GCN1: variants seen among roughly 807,000 people sequenced by gnomAD.
The protein encoded by GCN1 is stalled ribosome sensor GCN1.
GCN1 carries 90 observed loss-of-function variants against 288.4 expected under a neutral mutation model. The ratio of observed to expected loss-of-function variants is 0.31; its 90% CI spans 0.26 to 0.37. The LOEUF is 0.37. GCN1 is among the 10% of genes least tolerant of loss of function. The probability of loss-of-function intolerance (pLI) is 1.00; values close to 1 mark genes in which losing one functional copy is unlikely to be tolerated. For synonymous variants in GCN1, 1,386 were observed against 1,420.2 expected (o/e 0.98, Z 0.54); for missense variants, 2,586 against 3,419.9 (o/e 0.76, Z 6.08).
chr12:120,170,327 G>A lies in GCN1; in HGVS notation c.1367-6C>T. Reference sequence around the variant, plus strand: ...GGCCTGCAACAGCGTGTCACCTGTGGAGAGAGGACAAGCACCTTAAAGGAC... The same window carrying A: ...GGCCTGCAACAGCGTGTCACCTGTGAAGAGAGGACAAGCACCTTAAAGGAC... On this transcript the variant is annotated splice_region_variant and splice_polypyrimidine_tract_variant and intron_variant, in intron 14 of 57. Coordinates refer to ENST00000300648, the MANE Select transcript of GCN1 (RefSeq NM_006836.2). The A allele has an allele frequency of 6.2e-7, 1 of 1,613,892 alleles. No homozygotes were observed. Among genetic ancestry groups the A allele is most frequent in the Non-Finnish European group, 8.5e-7 (1 of 1,179,766 alleles).
chr12:120,138,477 C>T lies in GCN1; in HGVS notation c.6157-62G>A, dbSNP rs1371808710. On this transcript the variant is annotated intron_variant, in intron 46 of 57. Transcript: ENST00000300648. ...CATCTCTGCTGTCTCAACCAGCCAC[C>T]GCCAACTTCCTTCTCCACTTGTTTC... 22 of 1,113,454 alleles carry T rather than the reference C, an allele frequency of 2.0e-5. No homozygotes were observed. The East Asian group carries it at 3.0e-4, about 15-fold the overall frequency. The allele number at this position is 1,113,454 out of a possible 1,614,324, so 69.0% of individuals were successfully genotyped here. A position where few individuals can be genotyped will look rare whatever the true frequency, so the allele number is the denominator to read the frequency against.
At position 120,157,350 on chromosome 12, in the gene GCN1, G is replaced by C. The variant is rs975208713; in HGVS notation, c.3088-358C>G. Among the ~76,000 whole-genome samples the C allele has an allele frequency of 3.3e-5, 5 of 152,260 alleles. No homozygotes were observed. In the East Asian group the frequency reaches 5.8e-4, roughly 18 times the overall value. On this transcript the variant is annotated intron_variant, in intron 26 of 57. Coordinates refer to ENST00000300648, the MANE Select transcript of GCN1 (RefSeq NM_006836.2). ...TAATACTATCTGAGGTTGCATTAAG[G>C]CTTTGAGAAAAGAAAACTCTTGGTG...
At chr12:120,161,841 G>T (rs1432807870) in intron 21 of GCN1, 39 bp downstream of exon 21, 23 of 1,590,308 alleles carry the variant, frequency 1.4e-5, no homozygotes, top group Non-Finnish European at 1.9e-5. Context: ...ACTATGCCTT[G>T]GGGAGCAAAG....
At chr12:120,148,661 C>T (rs979954741) in intron 36 of GCN1, among the ~76,000 whole-genome samples, 10 of 152,140 alleles carry the variant, frequency 6.6e-5, no homozygotes, top group African/African-American at 2.2e-4. Flanking sequence ...GTTTCTTCAT[C>T]CACAAATGAG....
chr12:120,185,153 T>A (rs181804128), intron 2 of GCN1, among the ~76,000 whole-genome samples: 1 of 152,354 alleles, frequency 6.6e-6, no homozygotes, highest in East Asian at 1.9e-4. Context: ...AAGAGGAGGT[T>A]CAGGAGTGCT....
intron 7 of GCN1, 136 bp downstream of exon 7, chr12:120,178,487 CAT>C (rs1267284969): frequency 1.2e-6 from 1 of 824,918 alleles, no homozygotes. Flanking sequence ...CAGAGTCTCA[CAT>C]GAGAAAACCA....
intron 16 of GCN1, among the ~76,000 whole-genome samples, chr12:120,166,323 G>A (rs979413728): frequency 5.4e-5 from 8 of 147,732 alleles, no homozygotes; most frequent in Non-Finnish European, 1.0e-4. Flanking sequence ...AGAATTGCTT[G>A]AACCCGGGAG....
At chr12:120,159,505 C>T (rs1439372942) in intron 24 of GCN1, among the ~76,000 whole-genome samples, 5 of 152,206 alleles carry the variant, frequency 3.3e-5, no homozygotes, top group African/African-American at 1.2e-4. Context: ...CTGGGCTGGG[C>T]TGAGCCACCA....
chr12:120,165,534 CT>C (rs1249315127), intron 16 of GCN1, among the ~76,000 whole-genome samples: 4 of 152,114 alleles, frequency 2.6e-5, no homozygotes, highest in Non-Finnish European at 5.9e-5. Flanking sequence ...GTGGTGCAGT[CT>C]TGGCTCACTA....
chr12:120,148,413 G>C (rs1356425136), intron 36 of GCN1, 67 bp from the exon 37 acceptor site: 2 of 1,335,046 alleles, frequency 1.5e-6, no homozygotes, highest in African/African-American at 1.4e-5. Flanking sequence ...ACCTGTGCTG[G>C]CTACATGAGC....
chr12:120,188,358 C>T (rs1250952800), intron 2 of GCN1, among the ~76,000 whole-genome samples: 1 of 145,446 alleles, frequency 6.9e-6, no homozygotes, highest in Non-Finnish European at 1.5e-5. Flanking sequence ...CACTTGAACC[C>T]GGGAGGCGGA....
chr12:120,148,107 G>T, intron 37 of GCN1, 60 bp downstream of exon 37: 1 of 1,281,016 alleles, frequency 7.8e-7, no homozygotes, highest in Non-Finnish European at 1.1e-6. Context: ...TCCCTGCAGT[G>T]TCCAAAGGCT....
At chr12:120,185,621 G>A (rs1318670669) in intron 2 of GCN1, among the ~76,000 whole-genome samples, 1 of 152,216 alleles carries the variant, frequency 6.6e-6, no homozygotes, top group Non-Finnish European at 1.5e-5. Context: ...TTATTTTTCA[G>A]ACGGAGTCTC....
rs1267586212 is a variant in GCN1 at position 120,151,106 on chromosome 12, C to A, written c.4309+39G>T. 5.0e-6 allele frequency: 8 copies of A among 1,599,022 alleles called. No individual in the cohort carries two copies. In the African/African-American group the frequency reaches 9.4e-5, roughly 19 times the overall value. On this transcript the variant is annotated intron_variant, in intron 34 of 57. Coordinates refer to ENST00000300648, the MANE Select transcript of GCN1 (RefSeq NM_006836.2). Reference sequence around the variant, plus strand: ...CTTCCTCTGGCAACCTGGGGACCAACTTCCCATGCTGGGCAGCCCCAAGCT... The same window carrying A: ...CTTCCTCTGGCAACCTGGGGACCAAATTCCCATGCTGGGCAGCCCCAAGCT...
intron 11 of GCN1, 26 bp from the exon 12 acceptor site, chr12:120,175,238 A>T: frequency 6.3e-7 from 1 of 1,598,210 alleles, no homozygotes; most frequent in South Asian, 1.1e-5. Flanking sequence ...GCAAAGATTC[A>T]CATTCACATA....
At position 120,148,292 on chromosome 12, in the gene GCN1, G is replaced by C; in HGVS notation, c.4601C>G (p.Ser1534Cys). 2 of 1,614,102 alleles carry C rather than the reference G, an allele frequency of 1.2e-6. No homozygotes were observed. The highest frequency in any genetic ancestry group is 4.5e-5 in the East Asian group (2 of 44,886). ...CTTGGGCACAATGTTGGGTAGACAG[G>C]ATGACAGCTGCTTAGGAGCACAGTA... Reference protein sequence around the residue: ...MAYCAPKQLSSCLPNIVPKLT... With the variant: ...MAYCAPKQLSCCLPNIVPKLT... Residue 1534 changes from serine to cysteine, a missense_variant, in exon 37 of 58, where the codon TCC becomes TGC. Physicochemically the swap from Ser to Cys is moderately radical, Grantham distance 112 (BLOSUM62 -1). Around this residue, in one of 8 missense-constraint regions of GCN1, gnomAD observed 371 missense variants for 572.6 expected, o/e 0.65. Coordinates refer to ENST00000300648, the MANE Select transcript of GCN1 (RefSeq NM_006836.2).
At chr12:120,188,524 T>C (rs1028757494) in intron 2 of GCN1, among the ~76,000 whole-genome samples, 1 of 151,544 alleles carries the variant, frequency 6.6e-6, no homozygotes, top group Non-Finnish European at 1.5e-5. Flanking sequence ...TGGTGCTGAC[T>C]TCCACGGAAC....
chr12:120,164,762 T>C, intron 16 of GCN1, 41 bp from the exon 17 acceptor site: 1 of 1,338,730 alleles, frequency 7.5e-7, no homozygotes. Context: ...TTTAAAATAG[T>C]TAAGTGTACA....
chr12:120,136,154 T>G (rs1374329093), intron 51 of GCN1, among the ~76,000 whole-genome samples: 2 of 152,238 alleles, frequency 1.3e-5, no homozygotes, highest in Admixed American at 6.5e-5. Context: ...GCATTTCACA[T>G]GTACTGAGTG....
Sources: gnomAD v4.1 joint callset for allele counts (sites outside exome capture counted in the v4.1 genomes callset) on GRCh38, gnomAD v4.1.1 for gene constraint, gnomAD v4.1.1 regional missense constraint, MANE v1.5 for transcripts, NCBI Gene and HGNC (gene_info 2026-07-23, HGNC 2026-07-21) for gene names.